Variants in CMYA5 observed in about 807,000 individuals in gnomAD.
The protein encoded by CMYA5 is cardiomyopathy-associated protein 5.
In CMYA5, 246 loss-of-function variants were observed where a neutral mutation model predicts 318.9. The observed-to-expected ratio is 0.77, with a 90% CI of 0.70 to 0.86. The LOEUF (loss-of-function observed/expected upper bound fraction) is 0.86, where lower values mean the gene tolerates loss of function less well. Ranked by LOEUF, CMYA5 falls within the 40% of genes least tolerant of loss-of-function variation. The probability of loss-of-function intolerance (pLI) is 0.00; values close to 1 mark genes in which losing one functional copy is unlikely to be tolerated. For synonymous variants in CMYA5, 1,641 were observed against 1,729.5 expected (o/e 0.95, Z 1.27); for missense variants, 4,589 against 4,678.2 (o/e 0.98, Z 0.56).
chr5:79,763,323 C>A, intron 9 of CMYA5, 114 bp downstream of exon 9: 1 of 955,096 alleles, frequency 1.0e-6, no homozygotes, highest in Non-Finnish European at 1.5e-6. Context: ...TAAAATCCTG[C>A]TGAGCTAATG....
At chr5:79,772,446 A>T (rs994869142) in intron 9 of CMYA5, among the ~76,000 whole-genome samples, 1 of 152,166 alleles carries the variant, frequency 6.6e-6, no homozygotes, top group African/African-American at 2.4e-5. Context: ...CAGTGCCAGG[A>T]GGTGCAACGA....
intron 1 of CMYA5, among the ~76,000 whole-genome samples, chr5:79,710,850 T>G (rs1580751638): frequency 6.6e-6 from 1 of 152,266 alleles, no homozygotes; most frequent in Non-Finnish European, 1.5e-5. Flanking sequence ...TTTTAGTGGG[T>G]TTTTCTGTCT....
At chr5:79,791,604 T>C (rs931794194) in intron 11 of CMYA5, among the ~76,000 whole-genome samples, 3 of 151,004 alleles carry the variant, frequency 2.0e-5, no homozygotes, top group South Asian at 2.1e-4. Flanking sequence ...GCCTGTAATC[T>C]CAGCTACTCG....
At chr5:79,711,732 CTAA>C (rs1366171792) in intron 1 of CMYA5, among the ~76,000 whole-genome samples, 1 of 152,136 alleles carries the variant, frequency 6.6e-6, no homozygotes, top group African/African-American at 2.4e-5. Flanking sequence ...GTTAATGGCG[CTAA>C]TAAGTTATCA....
intron 1 of CMYA5, among the ~76,000 whole-genome samples, chr5:79,721,646 A>G (rs112405716): frequency 1.3e-4 from 20 of 152,344 alleles, no homozygotes; most frequent in African/African-American, 4.6e-4. Flanking sequence ...CATTAACCAA[A>G]AGATAGCTGG....
At chr5:79,766,405 A>T (rs1828751896) in intron 9 of CMYA5, among the ~76,000 whole-genome samples, 1 of 152,196 alleles carries the variant, frequency 6.6e-6, no homozygotes, top group South Asian at 2.1e-4. Context: ...TGGCGCTTCC[A>T]GCTTTTGCTC....
chr5:79,715,129 G>A (rs1349966990), intron 1 of CMYA5, among the ~76,000 whole-genome samples: 1 of 152,078 alleles, frequency 6.6e-6, no homozygotes, highest in African/African-American at 2.4e-5. Flanking sequence ...GTTTGCTGCT[G>A]TATGCTCATT....
chr5:79,798,088 C>T (rs976349021), intron 12 of CMYA5, among the ~76,000 whole-genome samples: 31 of 152,240 alleles, frequency 2.0e-4, no homozygotes, highest in Middle Eastern at 3.4e-3. Context: ...GGTCCTTTAT[C>T]AACTCAAAAG....
intron 12 of CMYA5, among the ~76,000 whole-genome samples, chr5:79,798,782 C>T (rs1327775050): frequency 6.6e-6 from 1 of 152,138 alleles, no homozygotes; most frequent in Non-Finnish European, 1.5e-5. Context: ...AGAGAGGAAT[C>T]AAAGGCAACC....
chr5:79,755,166 C>G (rs998986444), intron 6 of CMYA5, among the ~76,000 whole-genome samples: 5 of 152,152 alleles, frequency 3.3e-5, no homozygotes, highest in Non-Finnish European at 7.3e-5. Flanking sequence ...ATGCTTAACT[C>G]CCCCAGTGTG....
intron 1 of CMYA5, among the ~76,000 whole-genome samples, chr5:79,697,724 T>C (rs1827095875): frequency 6.6e-6 from 1 of 152,252 alleles, no homozygotes; most frequent in African/African-American, 2.4e-5. Context: ...CTCAATATTA[T>C]GTAATATATA....
intron 6 of CMYA5, among the ~76,000 whole-genome samples, chr5:79,756,881 T>TA (rs1303157358): frequency 6.6e-6 from 1 of 151,990 alleles, no homozygotes; most frequent in African/African-American, 2.4e-5. Flanking sequence ...AAAAAACCCA[T>TA]AAAAAATAAA....
Position 79,730,892 on chromosome 5 carries a change from G to C in CMYA5, c.2127G>C (p.Glu709Asp), listed in dbSNP as rs1318579063. 8 of 1,613,824 alleles carry C rather than the reference G, an allele frequency of 5.0e-6. No individual in the cohort carries two copies. The Admixed American group carries it at 1.2e-4, about 24-fold the overall frequency. Residue 709 changes from glutamate to aspartate, a missense_variant, in exon 2 of 13, where the codon GAG becomes GAC. By Grantham distance (45) the Glu-to-Asp change is conservative (BLOSUM62 2). Transcript: ENST00000446378. ...EYSVPSLATK[E>D]SLKKTIDRKS... is the part of the protein sequence containing the mutation. ...CAGTTCCATCACTGGCAACAAAAGA[G>C]TCACTGAAGAAAACAATTGACCGTA...
At position 79,752,693 on chromosome 5, in the gene CMYA5, A is replaced by C. The variant is rs987158301; in HGVS notation, c.11009A>C (p.Glu3670Ala). The change falls in exon 6 of 13, where the codon GAG (glutamate) becomes GCG (alanine). Residue 3670 changes from glutamate to alanine, a missense_variant. Around this residue, in one of 3 missense-constraint regions of CMYA5, gnomAD observed 2,431 missense variants for 2,495.1 expected, o/e 0.97. Coordinates refer to ENST00000446378, the MANE Select transcript of CMYA5 (RefSeq NM_153610.5). ...CCCGATAGGTTGCTTTCTGCAATGG[A>C]GAGCACTGCTTCTTTAGAGAAAATG... ...EINERLLSAM[E>A]STASLEKMPA... 3 of 1,613,282 alleles carry C rather than the reference A, an allele frequency of 1.9e-6. No homozygotes were observed. Among genetic ancestry groups the C allele is most frequent in the South Asian group, 2.2e-5 (2 of 91,038 alleles).
chr5:79,755,169 C>G (rs1235804646), intron 6 of CMYA5, among the ~76,000 whole-genome samples: 1 of 152,112 alleles, frequency 6.6e-6, no homozygotes, highest in African/African-American at 2.4e-5. Context: ...CTTAACTCCC[C>G]CAGTGTGGTG....
chr5:79,741,343 G>A (rs1424155434), intron 2 of CMYA5, among the ~76,000 whole-genome samples: 3 of 152,158 alleles, frequency 2.0e-5, no homozygotes, highest in African/African-American at 7.2e-5. Flanking sequence ...CAGAGCTCAT[G>A]TTCTTGACTA....
chr5:79,713,148 T>A (rs62363670), intron 1 of CMYA5, among the ~76,000 whole-genome samples: 24,265 of 152,194 alleles, frequency 0.16, 1,974 homozygotes, highest in African/African-American at 0.18. Context: ...GAGTCTGCCT[T>A]CACCAGTGGT....
At chr5:79,793,023 A>C (rs751846074) in intron 11 of CMYA5, among the ~76,000 whole-genome samples, 1 of 152,106 alleles carries the variant, frequency 6.6e-6, no homozygotes, top group Non-Finnish European at 1.5e-5. Flanking sequence ...AGTTTTGGAG[A>C]TTTCTTTTTT....
At chr5:79,712,772 A>G (rs1827423321) in intron 1 of CMYA5, among the ~76,000 whole-genome samples, 1 of 152,144 alleles carries the variant, frequency 6.6e-6, no homozygotes, top group African/African-American at 2.4e-5. Flanking sequence ...CTCATACTTC[A>G]TGTTTTTATG....
Sources: gnomAD v4.1 joint callset for allele counts (sites outside exome capture counted in the v4.1 genomes callset) on GRCh38, gnomAD v4.1.1 for gene constraint, gnomAD v4.1.1 regional missense constraint, MANE v1.5 for transcripts, NCBI Gene and HGNC (gene_info 2026-07-23, HGNC 2026-07-21) for gene names.